The following JAKMIP3 variants were observed in gnomAD, a reference collection of about 807,000 sequenced individuals.
JAKMIP3 encodes the protein Janus kinase and microtubule interacting protein 3, also known as janus kinase and microtubule-interacting protein 3.
A neutral mutation model predicts 118.5 loss-of-function variants in JAKMIP3; 58 were observed. That is an observed-to-expected ratio of 0.49 (90% CI 0.40 to 0.61). The LOEUF (loss-of-function observed/expected upper bound fraction) is 0.61. JAKMIP3 is among the 20% of genes least tolerant of loss of function. The probability of loss-of-function intolerance (pLI) is 0.00; values close to 1 mark genes in which losing one functional copy is unlikely to be tolerated. For missense variants in JAKMIP3, 950 were observed against 1,109.0 expected, an observed-to-expected ratio of 0.86 and a Z score of 2.04; for synonymous variants, 486 against 451.2, an observed-to-expected ratio of 1.08 and a Z score of -0.98.
At chr10:132,142,926 C>T (rs929348580) in intron 11 of JAKMIP3, among the ~76,000 whole-genome samples, 4 of 151,988 alleles carry the variant, frequency 2.6e-5, no homozygotes, top group East Asian at 1.9e-4. Context: ...GGGTGGGGGA[C>T]GGACCTCTTG....
rs2133804474 is a variant in JAKMIP3, at chr10:132,049,880, A to G, written c.-138+13142A>G. The stretch of plus-strand genomic sequence containing the variant: ...GACGTTTTTGTTTTGGCTATTTTTG[A>G]TATTGGGATATTTTACAAGGTTCCC... On this transcript the variant is annotated intron_variant, in intron 1 of 23. Transcript: ENST00000657785. The surrounding 1 kb of genome is among the most constrained non-coding windows in gnomAD (Gnocchi z 4.3). Among the ~76,000 whole-genome samples the G allele has an allele frequency of 6.6e-6, 1 of 152,000 alleles. No individual in the cohort carries two copies. Among genetic ancestry groups the G allele is most frequent in the South Asian group, 2.1e-4 (1 of 4,808 alleles).
At chr10:132,140,394 A>C in intron 9 of JAKMIP3, 57 bp from the exon 10 acceptor site, 1 of 1,605,638 alleles carries the variant, frequency 6.2e-7, no homozygotes, top group Non-Finnish European at 8.5e-7. Context: ...AGGCGGCGGG[A>C]GGAGGCGGCT....
At chr10:132,050,620 T>C (rs909458620) in intron 1 of JAKMIP3, among the ~76,000 whole-genome samples, 1 of 149,992 alleles carries the variant, frequency 6.7e-6, no homozygotes, top group Non-Finnish European at 1.5e-5. Flanking sequence ...TTTTACATAA[T>C]TTAGGAAGGA....
At chr10:132,046,464 A>AAG (rs1223095916) in intron 1 of JAKMIP3, among the ~76,000 whole-genome samples, 1 of 150,814 alleles carries the variant, frequency 6.6e-6, no homozygotes, top group African/African-American at 2.4e-5. Context: ...TCAAAAAGAA[A>AAG]AAAAAAACAA....
At chr10:132,095,122 C>G (rs2043673397) in intron 1 of JAKMIP3, among the ~76,000 whole-genome samples, 1 of 152,200 alleles carries the variant, frequency 6.6e-6, no homozygotes, top group African/African-American at 2.4e-5. Flanking sequence ...AGTGGGCCAG[C>G]AGGGTTGAGA....
At position 132,104,689 on chromosome 10, in the gene JAKMIP3, G is replaced by A; in HGVS notation, c.-120G>A. On this transcript the variant is annotated 5_prime_UTR_variant, in exon 2 of 24. In the 5' UTR this introduces an upstream ATG that the reference lacks. Coordinates refer to ENST00000684848, the MANE Select transcript of JAKMIP3 (RefSeq NM_001323087.2). ...CCCTCCAGGTGAATGAGAAGATGTA[G>A]TGTGACAGCAGCCCGGGTGACACCT... is the stretch of plus-strand genomic sequence containing the variant. 1 of 993,870 alleles carries A rather than the reference G, an allele frequency of 1.0e-6. No homozygotes were observed. Among genetic ancestry groups the A allele is most frequent in the Non-Finnish European group, 1.5e-6 (1 of 668,332 alleles). The allele number at this position is 993,870 out of a possible 1,614,324, so 61.6% of individuals were successfully genotyped here. A position where few individuals can be genotyped will look rare whatever the true frequency, so the allele number is the denominator to read the frequency against.
chr10:132,067,624 C>G (rs529091529), intron 1 of JAKMIP3, among the ~76,000 whole-genome samples: 12 of 150,286 alleles, frequency 8.0e-5, no homozygotes, highest in African/African-American at 2.2e-4. Flanking sequence ...TCCGTGTGTA[C>G]TGTGGGCTTC....
At position 132,082,581 on chromosome 10, in the gene JAKMIP3, G is replaced by A. The variant is rs151052377; in HGVS notation, c.-138+16520G>A. ...ATTCATTCCTTTTTATGGCTGAGTA[G>A]TATTCCATTGTGTATATATACACCA... On this transcript the variant is annotated intron_variant, in intron 1 of 23. Coordinates refer to ENST00000684848, the MANE Select transcript of JAKMIP3 (RefSeq NM_001323087.2). 7.7e-3 allele frequency among the ~76,000 whole-genome samples: 1,171 copies of A among 151,936 alleles called. 4 individuals are homozygous for A. The highest frequency in any genetic ancestry group is 0.011 in the Non-Finnish European group (726 of 67,966).
chr10:132,072,572 T>A (rs534230026), intron 1 of JAKMIP3, among the ~76,000 whole-genome samples: 59 of 152,276 alleles, frequency 3.9e-4, no homozygotes, highest in African/African-American at 1.4e-3. Context: ...CTGAAAATAT[T>A]TGCCTTTCAA....
chr10:132,136,507 G>T (rs2051811002), intron 6 of JAKMIP3, among the ~76,000 whole-genome samples: 3 of 152,204 alleles, frequency 2.0e-5, no homozygotes, highest in South Asian at 4.1e-4. Context: ...AGCCAGGAGT[G>T]GGGGGCCGTC....
At chr10:132,139,832 G>C (rs962543584) in intron 9 of JAKMIP3, among the ~76,000 whole-genome samples, 4 of 152,156 alleles carry the variant, frequency 2.6e-5, no homozygotes, top group Non-Finnish European at 5.9e-5. Flanking sequence ...GAGACCTGGA[G>C]GCCACTGTGG....
At chr10:132,173,896 TTAG>T (rs1358190892) in intron 23 of JAKMIP3, among the ~76,000 whole-genome samples, 1 of 34,870 alleles carries the variant, frequency 2.9e-5, no homozygotes, top group African/African-American at 1.0e-4. Flanking sequence ...CTGTGATGTG[TTAG>T]TGGTGGTGTG....
intron 1 of JAKMIP3, among the ~76,000 whole-genome samples, chr10:132,051,094 G>T (rs1289944449): frequency 1.3e-5 from 2 of 149,696 alleles, no homozygotes; most frequent in Non-Finnish European, 3.0e-5. Context: ...TGGCATGTTG[G>T]TCTTGTTAAT....
intron 1 of JAKMIP3, among the ~76,000 whole-genome samples, chr10:132,080,339 C>T (rs1193247180): frequency 6.6e-6 from 1 of 151,954 alleles, no homozygotes; most frequent in Non-Finnish European, 1.5e-5. Flanking sequence ...TGTGAGGTGG[C>T]GTTGCATAGT....
chr10:132,100,099 C>T (rs1589808500), intron 1 of JAKMIP3, among the ~76,000 whole-genome samples: 2 of 152,196 alleles, frequency 1.3e-5, no homozygotes, highest in East Asian at 3.9e-4. Context: ...CCAGGCTCCC[C>T]AGGGCAGATG....
chr10:132,063,279 A>C (rs2038469329), upstream of JAKMIP3, among the ~76,000 whole-genome samples: 1 of 152,142 alleles, frequency 6.6e-6, no homozygotes, highest in Non-Finnish European at 1.5e-5. Context: ...AGACCCTGTG[A>C]CACAAGTGAG....
intron 1 of JAKMIP3, among the ~76,000 whole-genome samples, chr10:132,088,303 A>C (rs977342483): frequency 1.3e-5 from 2 of 152,180 alleles, no homozygotes; most frequent in Non-Finnish European, 2.9e-5. Flanking sequence ...ACAGTGGTTG[A>C]ACTACTTTAC....
intron 23 of JAKMIP3, among the ~76,000 whole-genome samples, chr10:132,174,210 C>T (rs984436613): frequency 3.4e-5 from 5 of 147,750 alleles, no homozygotes; most frequent in African/African-American, 1.0e-4. Context: ...CCCAAGCTGC[C>T]TCCTGCTGCC....
intron 1 of JAKMIP3, among the ~76,000 whole-genome samples, chr10:132,054,482 G>A (rs2038183052): frequency 6.6e-6 from 1 of 152,164 alleles, no homozygotes; most frequent in Non-Finnish European, 1.5e-5. Context: ...GAGGTTAGGG[G>A]CTAGCTTGGC....
Sources: allele counts gnomAD v4.1 joint callset (sites outside exome capture counted in the v4.1 genomes callset), GRCh38; gene constraint gnomAD v4.1.1; non-coding constraint Gnocchi (gnomAD v3.1); transcripts MANE v1.5; gene names NCBI Gene and HGNC (gene_info 2026-07-23, HGNC 2026-07-21).